DDIAS: variants seen among roughly 807,000 people sequenced by gnomAD.
DDIAS encodes DNA damage-induced apoptosis suppressor protein.
In DDIAS, 14 loss-of-function variants were observed where a neutral mutation model predicts 15.7. The observed-to-expected ratio is 0.89, with a 90% CI of 0.59 to 1.39. The LOEUF (loss-of-function observed/expected upper bound fraction) is 1.39. Among genes scored for constraint, DDIAS ranks in the 40% most tolerant of loss-of-function variants. The pLI is 0.00. For missense variants in DDIAS, 1,035 were observed against 1,130.9 expected (o/e 0.92, Z 1.22); for synonymous variants, 355 against 395.9 (o/e 0.90, Z 1.23).
intron 2 of DDIAS, chr11:82,913,637 CTT>C (rs890824660): frequency 7.5e-6 from 3 of 397,576 alleles, no homozygotes; most frequent in Admixed American, 7.5e-5. Context: ...AATCTGAAGT[CTT>C]TTTTTTCTCT....
chr11:82,930,643 G>A (rs1333453096), intron 5 of DDIAS, among the ~76,000 whole-genome samples: 1 of 151,792 alleles, frequency 6.6e-6, no homozygotes, highest in African/African-American at 2.4e-5. Context: ...CTATAAAAGA[G>A]AATAATGGAA....
Position 82,932,316 on chromosome 11 carries a change from C to T in DDIAS, c.978C>T (p.His326=), listed in dbSNP as rs773894503. The T allele has an allele frequency of 1.9e-6, 3 of 1,613,958 alleles. No individual in the cohort carries two copies. The highest frequency in any genetic ancestry group is 2.5e-6 in the Non-Finnish European group (3 of 1,179,960). Residue 326 remains histidine, a synonymous_variant, in exon 6 of 6, where the codon CAC becomes CAT. Transcript: ENST00000533655. ...AAGCTAAGGAGCTGAGTGCAGTTCA[C>T]AGCAGTCATCATGAAATTGGAGTTA... is the stretch of plus-strand genomic sequence containing the variant. The part of the protein sequence containing the change: ...GLQAKELSAV[H]SSHHEIGVND...
In DDIAS at chr11:82,932,201, G is replaced by T. The variant is rs1861005621; in HGVS notation, c.863G>T (p.Cys288Phe). The T allele has an allele frequency of 6.2e-7, 1 of 1,613,978 alleles. No individual in the cohort carries two copies. The highest frequency in any genetic ancestry group is 1.1e-5 in the South Asian group (1 of 91,066). Reference protein sequence around the residue: ...SIAEATGSSSCHDPIQDSWSL... With the variant: ...SIAEATGSSSFHDPIQDSWSL... ...GCAGAGGCCACTGGTTCCAGTAGCTGCCATGATCCCATTCAGGATTCATGG... is the reference window on the plus strand; with the variant it reads ...GCAGAGGCCACTGGTTCCAGTAGCTTCCATGATCCCATTCAGGATTCATGG... The change falls in exon 6 of 6, where the codon TGC becomes TTC. Residue 288 changes from cysteine to phenylalanine, a missense_variant. Physicochemically the swap from Cys to Phe is radical, Grantham distance 205 (BLOSUM62 -2). Coordinates refer to ENST00000533655, the MANE Select transcript of DDIAS (RefSeq NM_145018.4).
intron 1 of DDIAS, among the ~76,000 whole-genome samples, chr11:82,906,785 A>T (rs1386053566): frequency 2.6e-5 from 4 of 152,198 alleles, no homozygotes; most frequent in Non-Finnish European, 5.9e-5. Flanking sequence ...AAGGTACTAT[A>T]TATGAAACTA....
intron 3 of DDIAS, among the ~76,000 whole-genome samples, chr11:82,928,040 T>C (rs1321123513): frequency 6.6e-6 from 1 of 152,146 alleles, no homozygotes; most frequent in South Asian, 2.1e-4. Context: ...GGTTTTCATA[T>C]CAAATTTTAT....
At chr11:82,925,095 A>G (rs1860831907) in intron 3 of DDIAS, among the ~76,000 whole-genome samples, 1 of 152,242 alleles carries the variant, frequency 6.6e-6, no homozygotes, top group South Asian at 2.1e-4. Context: ...CTGTCTTTTT[A>G]TGAAACCAGA....
chr11:82,929,429 C>T (rs138495306), intron 4 of DDIAS, among the ~76,000 whole-genome samples: 4 of 152,266 alleles, frequency 2.6e-5, no homozygotes, highest in East Asian at 3.9e-4. Flanking sequence ...CTTGGCCGGG[C>T]GCGGTAGCTC....
At chr11:82,930,327 G>T in intron 5 of DDIAS, 53 bp downstream of exon 5, 2 of 1,252,132 alleles carry the variant, frequency 1.6e-6, no homozygotes, top group South Asian at 2.6e-5. Flanking sequence ...CCATTGTAAT[G>T]AATTATGTGA....
intron 3 of DDIAS, among the ~76,000 whole-genome samples, chr11:82,920,232 C>T (rs965008427): frequency 4.6e-5 from 7 of 151,688 alleles, no homozygotes; most frequent in Non-Finnish European, 1.0e-4. Context: ...TAATATGTCC[C>T]GTTTTGTTTC....
intron 1 of DDIAS, among the ~76,000 whole-genome samples, chr11:82,911,177 G>T (rs919549429): frequency 6.6e-6 from 1 of 152,186 alleles, no homozygotes; most frequent in Non-Finnish European, 1.5e-5. Context: ...GTTGCTGAAG[G>T]TTGGGGTTGC....
intron 3 of DDIAS, among the ~76,000 whole-genome samples, chr11:82,921,712 G>A (rs937187228): frequency 6.6e-6 from 1 of 151,120 alleles, no homozygotes; most frequent in African/African-American, 2.4e-5. Flanking sequence ...CCGAGTAGCT[G>A]GGATTACAGG....
At position 82,914,704 on chromosome 11, in the gene DDIAS, T is replaced by C. The variant is rs779222473; in HGVS notation, c.-16-19T>C. 1.5e-6 allele frequency: 2 copies of C among 1,297,342 alleles called. No homozygotes were observed. Among genetic ancestry groups the C allele is most frequent in the South Asian group, 1.2e-5 (1 of 82,150 alleles). 80.4% of individuals were successfully genotyped at this position (1,297,342 alleles called of 1,614,324 possible). A position where few individuals can be genotyped will look rare whatever the true frequency, so the allele number is the denominator to read the frequency against. On this transcript the variant is annotated intron_variant, in intron 2 of 5. Coordinates refer to ENST00000533655, the MANE Select transcript of DDIAS (RefSeq NM_145018.4). ...ATGAAAGATTTGCCAGTCATCCCAA[T>C]GGCTATTTTGTTTTGCAGACCACGG...
rs1194184058 is a variant in DDIAS, at chr11:82,901,980, A to G, written c.-117+158A>G. ...CAGCCATGAGGGTAACAGAATATAA[A>G]CGTCAGTTATTTTATTTTAGACTCA... On this transcript the variant is annotated intron_variant, in intron 1 of 5. Coordinates refer to ENST00000533655, the MANE Select transcript of DDIAS (RefSeq NM_145018.4). Among the ~76,000 whole-genome samples, 3 of 152,266 alleles carry G rather than the reference A, an allele frequency of 2.0e-5. No homozygotes were observed. The East Asian group carries it at 5.8e-4, about 29-fold the overall frequency.
chr11:82,934,090 A>G lies in DDIAS; in HGVS notation c.2752A>G (p.Lys918Glu). Residue 918 changes from lysine (K) to glutamate (E), a missense_variant, in exon 6 of 6, where the codon AAG becomes GAG. Physicochemically the swap from Lys to Glu is moderately conservative, Grantham distance 56 (BLOSUM62 1). Transcript: ENST00000533655. ...ACAAGGAACCAATAAAGGTTTAATT[A>G]AGAAGAAATTAAAGAATATGCTTGC... ...IRQGTNKGLI[K>E]KKLKNMLAAV... 2 of 1,609,280 alleles carry G rather than the reference A, an allele frequency of 1.2e-6. No homozygotes were observed. Among genetic ancestry groups the G allele is most frequent in the African/African-American group, 1.3e-5 (1 of 74,670 alleles).
intron 3 of DDIAS, among the ~76,000 whole-genome samples, chr11:82,915,889 A>C (rs936662555): frequency 1.3e-5 from 2 of 152,190 alleles, no homozygotes; most frequent in Admixed American, 1.3e-4. Context: ...TCCTTACTTA[A>C]TGTTGTTGGA....
intron 1 of DDIAS, chr11:82,909,276 T>C (rs543071548): frequency 8.5e-5 from 13 of 152,336 alleles, no homozygotes; most frequent in Non-Finnish European, 1.6e-4. Context: ...ATGGCGCTGG[T>C]GGCAGTGTAG....
chr11:82,934,370 T>C lies in DDIAS; in HGVS notation c.*35T>C, dbSNP rs1861076809. 6.5e-7 allele frequency: 1 copy of C among 1,536,068 alleles called. No individual in the cohort carries two copies. Among genetic ancestry groups the C allele is most frequent in the Non-Finnish European group, 8.7e-7 (1 of 1,142,900 alleles). ...TGAACCCAATTCCTGAACTTTTAAA[T>C]CTGTTTGGAAATGTTTGCCTTCAGG... On this transcript the variant is annotated 3_prime_UTR_variant, in exon 6 of 6. Transcript: ENST00000533655.
chr11:82,932,630 G>A lies in DDIAS; in HGVS notation c.1292G>A (p.Ser431Asn). 1 of 1,614,128 alleles carries A rather than the reference G, an allele frequency of 6.2e-7. No homozygotes were observed. Among genetic ancestry groups the A allele is most frequent in the South Asian group, 1.1e-5 (1 of 91,084 alleles). ...AACAAGTTTCTGGCAGTTCTTGAAA[G>A]TGAGATTGCTGTAACCCAGGCAGAT... is the stretch of plus-strand genomic sequence containing the variant. ...SLNKFLAVLE[S>N]EIAVTQADVS... The change falls in exon 6 of 6, where the codon AGT becomes AAT. Residue 431 changes from serine to asparagine, a missense_variant. Ser to Asn is a conservative substitution (Grantham distance 46). Coordinates refer to ENST00000533655, the MANE Select transcript of DDIAS (RefSeq NM_145018.4).
At chr11:82,910,272 A>T (rs1860501610) in intron 1 of DDIAS, among the ~76,000 whole-genome samples, 2 of 142,296 alleles carry the variant, frequency 1.4e-5, no homozygotes, top group Non-Finnish European at 3.0e-5. Flanking sequence ...TTAGTAAACA[A>T]ACCAACCTTT....
Sources: allele counts gnomAD v4.1 joint callset (sites outside exome capture counted in the v4.1 genomes callset), GRCh38; gene constraint gnomAD v4.1.1; transcripts MANE v1.5; gene names NCBI Gene and HGNC (gene_info 2026-07-23, HGNC 2026-07-21).